AIG1: variants seen among roughly 807,000 people sequenced by gnomAD.
AIG1 encodes androgen-induced gene 1 protein.
In AIG1, 23 loss-of-function variants were observed where a neutral mutation model predicts 31.4. The observed-to-expected ratio is 0.73, with a 90% confidence interval of 0.53 to 1.04. AIG1 has a LOEUF of 1.04. Ranked by LOEUF, AIG1 falls within the 50% of genes least tolerant of loss-of-function variation. The probability of loss-of-function intolerance (pLI) is 0.00; values close to 1 mark genes in which losing one functional copy is unlikely to be tolerated. For missense variants in AIG1, 274 were observed against 295.0 expected, an observed-to-expected ratio of 0.93 and a Z score of 0.52; for synonymous variants, 100 against 110.5, an observed-to-expected ratio of 0.90 and a Z score of 0.60.
intron 2 of AIG1, among the ~76,000 whole-genome samples, chr6:143,137,728 A>G (rs1240034399): frequency 1.3e-5 from 2 of 152,204 alleles, no homozygotes; most frequent in Non-Finnish European, 2.9e-5. Context: ...CTGCACATAA[A>G]CCATGTTTTT....
In AIG1 at chr6:143,258,923, A is replaced by G. The variant is rs917490594; in HGVS notation, c.400-25187A>G. Among the ~76,000 whole-genome samples the G allele has an allele frequency of 1.3e-5, 2 of 152,220 alleles. No individual in the cohort carries two copies. Among genetic ancestry groups the G allele is most frequent in the African/African-American group, 2.4e-5 (1 of 41,454 alleles). ...AGACTCTTTTTAACAATCTGCTCTC[A>G]TGGGAACCACATCCAAACCATAGCA... On this transcript the variant is annotated intron_variant, in intron 3 of 5. Transcript: ENST00000357847. This position sits in a 1 kb window ranked among gnomAD's most constrained non-coding sequence, Gnocchi z 4.7.
At chr6:143,311,239 A>G (rs1163103497) in intron 4 of AIG1, among the ~76,000 whole-genome samples, 2 of 151,896 alleles carry the variant, frequency 1.3e-5, no homozygotes, top group Non-Finnish European at 3.0e-5. Context: ...TATAAAAACA[A>G]TTATTCCAAA....
At chr6:143,342,326 GGA>G, downstream of AIG1, 1 of 676,232 alleles carries the variant, frequency 1.5e-6, no homozygotes, top group South Asian at 1.5e-5. Context: ...GCAGCTGCGA[GGA>G]GCTCACTGCG....
intron 3 of AIG1, among the ~76,000 whole-genome samples, chr6:143,193,504 A>G (rs1365226842): frequency 6.6e-6 from 1 of 152,240 alleles, no homozygotes; most frequent in Non-Finnish European, 1.5e-5. Flanking sequence ...TATATCCTCC[A>G]CATGACCTAG....
intron 1 of AIG1, among the ~76,000 whole-genome samples, chr6:143,083,808 T>G (rs1778509182): frequency 6.6e-6 from 1 of 152,166 alleles, no homozygotes; most frequent in East Asian, 1.9e-4. Context: ...CGTCCATATT[T>G]TCCTTCTGTT....
At chr6:143,108,646 A>T (rs1781021128) in intron 1 of AIG1, among the ~76,000 whole-genome samples, 1 of 152,080 alleles carries the variant, frequency 6.6e-6, no homozygotes, top group South Asian at 2.1e-4. Context: ...CAACAGACAC[A>T]TATATGTGGG....
intron 3 of AIG1, among the ~76,000 whole-genome samples, chr6:143,171,265 C>G (rs1427823967): frequency 6.6e-6 from 1 of 150,650 alleles, no homozygotes; most frequent in Admixed American, 6.7e-5. Context: ...AGCTTAGCTC[C>G]CACTCATGAT....
At chr6:143,168,211 G>A (rs934171989) in intron 3 of AIG1, among the ~76,000 whole-genome samples, 2 of 151,444 alleles carry the variant, frequency 1.3e-5, no homozygotes, top group African/African-American at 2.4e-5. Context: ...TTTAAAAATA[G>A]CATTTTTAAA....
rs145312161 is a variant in AIG1 at position 143,241,719 on chromosome 6, C to G, written c.400-42391C>G. ...TGAAGCACAGAGCATTTAAGCAATG[C>G]AAGTCGAGCATCCCTAATCTGAAAA... On this transcript the variant is annotated intron_variant, in intron 3 of 5. Coordinates refer to ENST00000357847, the MANE Select transcript of AIG1 (RefSeq NM_016108.4). Among the ~76,000 whole-genome samples the G allele has an allele frequency of 2.4e-3, 368 of 152,234 alleles. 2 individuals carry two copies. The highest frequency in any genetic ancestry group is 8.5e-3 in the African/African-American group (352 of 41,524).
In AIG1 at chr6:143,082,635, C is replaced by G. The variant is rs186190633; in HGVS notation, c.141+21569C>G. 3.7e-4 allele frequency among the ~76,000 whole-genome samples: 57 copies of G among 152,302 alleles called. No individual in the cohort carries two copies. The East Asian group carries it at 0.01, about 28-fold the overall frequency. On this transcript the variant is annotated intron_variant, in intron 1 of 5. Coordinates refer to ENST00000357847, the MANE Select transcript of AIG1 (RefSeq NM_016108.4). ...TTAACTGCTTTAGATACTAAGACTG[C>G]TATTGCTGCCACTACCCGTAAACAG... is the stretch of plus-strand genomic sequence containing the variant.
At chr6:143,219,024 C>A (rs146740990) in intron 3 of AIG1, among the ~76,000 whole-genome samples, 2 of 152,198 alleles carry the variant, frequency 1.3e-5, no homozygotes, top group East Asian at 3.9e-4. Flanking sequence ...GTCCTGTATT[C>A]GTTGTTCAAA....
chr6:143,309,212 A>T (rs919429040), intron 4 of AIG1, among the ~76,000 whole-genome samples: 1 of 152,074 alleles, frequency 6.6e-6, no homozygotes, highest in Non-Finnish European at 1.5e-5. Flanking sequence ...GTAAAGAAGA[A>T]CTATTTTCTC....
chr6:143,060,285 G>A (rs1562330325), upstream of AIG1, among the ~76,000 whole-genome samples: 1 of 152,178 alleles, frequency 6.6e-6, no homozygotes, highest in African/African-American at 2.4e-5. Context: ...AAACCTTATT[G>A]CCCCAAAATA....
chr6:143,240,633 G>C (rs376665261), intron 3 of AIG1, among the ~76,000 whole-genome samples: 1 of 152,158 alleles, frequency 6.6e-6, no homozygotes, highest in Non-Finnish European at 1.5e-5. Flanking sequence ...TGGTAAGGGA[G>C]CATTTGTTTG....
chr6:143,097,753 C>T (rs1304877582), intron 1 of AIG1, among the ~76,000 whole-genome samples: 1 of 152,192 alleles, frequency 6.6e-6, no homozygotes, highest in Admixed American at 6.5e-5. Flanking sequence ...GCATGGTGAC[C>T]TTGCTGCTTG....
chr6:143,243,029 C>A (rs1469263733), intron 3 of AIG1, among the ~76,000 whole-genome samples: 2 of 152,062 alleles, frequency 1.3e-5, no homozygotes, highest in East Asian at 1.9e-4. Context: ...AACATTATTT[C>A]CATCCTAGAT....
intron 3 of AIG1, among the ~76,000 whole-genome samples, chr6:143,207,639 A>G (rs1433460195): frequency 1.3e-5 from 2 of 152,144 alleles, no homozygotes; most frequent in Admixed American, 1.3e-4. Flanking sequence ...GGGCTTCCAT[A>G]GCAGAATGAA....
intron 1 of AIG1, among the ~76,000 whole-genome samples, chr6:143,076,482 G>C (rs1777737000): frequency 6.6e-6 from 1 of 151,910 alleles, no homozygotes; most frequent in Non-Finnish European, 1.5e-5. Context: ...TTTTTTTGTA[G>C]ATAACATATA....
At chr6:143,203,387 A>T (rs1790855684) in intron 3 of AIG1, among the ~76,000 whole-genome samples, 1 of 152,192 alleles carries the variant, frequency 6.6e-6, no homozygotes, top group African/African-American at 2.4e-5. Flanking sequence ...TCGAGACCTT[A>T]AGTTAAATTA....
Sources: allele counts gnomAD v4.1 joint callset (sites outside exome capture counted in the v4.1 genomes callset), GRCh38; gene constraint gnomAD v4.1.1; non-coding constraint Gnocchi (gnomAD v3.1); transcripts MANE v1.5; gene names NCBI Gene and HGNC (gene_info 2026-07-23, HGNC 2026-07-21).